The following PCDHA7 variants were observed in gnomAD, a reference collection of about 807,000 sequenced individuals.
PCDHA7 encodes protocadherin alpha-7.
Under a neutral mutation model 57.2 loss-of-function variants are expected in PCDHA7, and 37 were observed. The ratio of observed to expected loss-of-function variants is 0.65; its 90% CI spans 0.50 to 0.85. The LOEUF is 0.85. PCDHA7 is among the 40% of genes least tolerant of loss of function. The probability of loss-of-function intolerance (pLI) is 0.00; values close to 1 mark genes in which losing one functional copy is unlikely to be tolerated. For synonymous variants in PCDHA7, 553 were observed against 558.8 expected (o/e 0.99, Z 0.15); for missense variants, 1,188 against 1,241.8 (o/e 0.96, Z 0.65).
At chr5:140,882,071 ATGGTGTC>A in intron 1 of PCDHA7, 1 of 864,194 alleles carries the variant, frequency 1.2e-6, no homozygotes, top group Non-Finnish European at 1.7e-6. Context: ...GTTCATGCGC[ATGGTGTC>A]GCTCTTCACT....
chr5:140,871,026 G>C (rs1562655563), intron 1 of PCDHA7: 2 of 1,613,220 alleles, frequency 1.2e-6, no homozygotes, highest in Non-Finnish European at 8.5e-7. Flanking sequence ...AGGCAGACTC[G>C]CCGCGCCACC....
At chr5:140,864,869 A>G (rs2048638117) in intron 1 of PCDHA7, 1 of 152,160 alleles carries the variant, frequency 6.6e-6, no homozygotes, top group South Asian at 2.1e-4. Context: ...GGGTGATACC[A>G]TTGTCTGTGT....
chr5:140,966,845 C>T, intron 1 of PCDHA7: 2 of 1,570,442 alleles, frequency 1.3e-6, no homozygotes, highest in South Asian at 2.3e-5. Context: ...GCTGCTACTG[C>T]CTCTCCTGCT....
At chr5:140,993,673 TG>T (rs2097577380) in intron 3 of PCDHA7, among the ~76,000 whole-genome samples, 1 of 152,322 alleles carries the variant, frequency 6.6e-6, no homozygotes, top group East Asian at 1.9e-4. Context: ...GGACCACATA[TG>T]TGACAGCTGT....
intron 1 of PCDHA7, chr5:140,869,637 T>A: frequency 6.2e-7 from 1 of 1,613,610 alleles, no homozygotes; most frequent in Non-Finnish European, 8.5e-7. Flanking sequence ...ATGAGTATTT[T>A]TCTTTAGATT....
chr5:140,856,518 C>T, intron 1 of PCDHA7: 1 of 1,598,510 alleles, frequency 6.3e-7, no homozygotes, highest in Non-Finnish European at 8.6e-7. Flanking sequence ...GAAGGCGCAT[C>T]TGATGCGGAT....
intron 1 of PCDHA7, chr5:140,841,348 G>A: frequency 6.2e-7 from 1 of 1,612,736 alleles, no homozygotes; most frequent in Non-Finnish European, 8.5e-7. Context: ...GAGGAGAGCT[G>A]GGATCCTGGC....
chr5:140,856,754 G>A (rs536378352), intron 1 of PCDHA7: 8 of 1,596,774 alleles, frequency 5.0e-6, no homozygotes, highest in African/African-American at 1.3e-5. Flanking sequence ...AGATGCCAAT[G>A]ATAACGCCCC....
At chr5:140,850,822 T>C (rs2150499747) in intron 1 of PCDHA7, 4 of 1,598,166 alleles carry the variant, frequency 2.5e-6, no homozygotes, top group Non-Finnish European at 3.4e-6. Flanking sequence ...AGCCCGGGCC[T>C]TTCTCCTTGT....
chr5:140,918,660 A>G (rs1490487097), intron 1 of PCDHA7, among the ~76,000 whole-genome samples: 1 of 152,200 alleles, frequency 6.6e-6, no homozygotes, highest in Non-Finnish European at 1.5e-5. Context: ...TCTCATGTTG[A>G]TGGTATGAAG....
intron 3 of PCDHA7, among the ~76,000 whole-genome samples, chr5:140,999,657 C>A (rs1257419150): frequency 6.6e-6 from 1 of 152,156 alleles, no homozygotes; most frequent in Non-Finnish European, 1.5e-5. Flanking sequence ...CTGAGCCCTG[C>A]TGGGTTGCGG....
rs2150240382 is a variant in PCDHA7, at chr5:140,835,640, C to A, written c.1257C>A (p.Ser419=). The change falls in exon 1 of 4, where the codon TCC becomes TCA. Residue 419 remains serine, a synonymous_variant. Transcript: ENST00000525929. ...GCGCTCTGGACCGCGAGAGTGTGTC[C>A]GCCTATGAGCTGGTGGTTACCGCGC... ...LDSALDRESV[S]AYELVVTARD... The A allele has an allele frequency of 2.4e-5, 38 of 1,613,888 alleles. 2 individuals are homozygous for A. The highest frequency in any genetic ancestry group is 3.2e-5 in the Non-Finnish European group (38 of 1,179,872).
intron 1 of PCDHA7, among the ~76,000 whole-genome samples, chr5:140,844,093 C>T (rs2150368688): frequency 2.7e-5 from 4 of 149,720 alleles, no homozygotes; most frequent in African/African-American, 9.8e-5. Flanking sequence ...AACTCTTAAT[C>T]TTACTCCATA....
chr5:140,882,103 G>A, intron 1 of PCDHA7: 2 of 1,335,054 alleles, frequency 1.5e-6, no homozygotes, highest in Non-Finnish European at 2.0e-6. Context: ...ACGTTTCCGC[G>A]AAGAAAGCCG....
At chr5:140,912,010 G>A (rs1208180595) in intron 1 of PCDHA7, among the ~76,000 whole-genome samples, 1 of 152,202 alleles carries the variant, frequency 6.6e-6, no homozygotes. Flanking sequence ...CCATCTGCAA[G>A]CTGAGGAGCA....
At chr5:140,841,820 G>A in intron 1 of PCDHA7, 2 of 1,613,910 alleles carry the variant, frequency 1.2e-6, no homozygotes, top group Non-Finnish European at 1.7e-6. Context: ...AGCTAACTCC[G>A]TGTTAACCTA....
intron 1 of PCDHA7, chr5:140,966,972 T>A (rs1554229007): frequency 6.2e-7 from 1 of 1,602,946 alleles, no homozygotes; most frequent in Non-Finnish European, 8.5e-7. Flanking sequence ...GGGCTTGAGC[T>A]GCGGCGCTTG....
At chr5:140,957,080 A>G (rs2095331610) in intron 1 of PCDHA7, among the ~76,000 whole-genome samples, 1 of 152,174 alleles carries the variant, frequency 6.6e-6, no homozygotes. Flanking sequence ...CTTTTTATTA[A>G]GGAAAATGAA....
At position 141,010,397 on chromosome 5, in the gene PCDHA7, A is replaced by C; in HGVS notation, c.*460A>C. On this transcript the variant is annotated 3_prime_UTR_variant, in exon 4 of 4. Coordinates refer to ENST00000525929, the MANE Select transcript of PCDHA7 (RefSeq NM_018910.3). ...TGCCAGATATTGGCTGAGACGAGCC[A>C]GCTTAGACTAATTGGTACAAGGAAG... 7.5e-7 allele frequency: 1 copy of C among 1,329,462 alleles called. No individual in the cohort carries two copies. The highest frequency in any genetic ancestry group is 1.0e-6 in the Non-Finnish European group (1 of 994,158). The allele number at this position is 1,329,462 out of a possible 1,614,324, so 82.4% of individuals were successfully genotyped here.
Sources: allele counts gnomAD v4.1 joint callset (sites outside exome capture counted in the v4.1 genomes callset), GRCh38; gene constraint gnomAD v4.1.1; transcripts MANE v1.5; gene names NCBI Gene and HGNC (gene_info 2026-07-23, HGNC 2026-07-21).